AGBL4: variants seen among roughly 807,000 people sequenced by gnomAD.
AGBL4 encodes cytosolic carboxypeptidase 6.
In AGBL4, 58 loss-of-function variants were observed where a neutral mutation model predicts 66.4. That is an observed-to-expected ratio of 0.87 (90% CI 0.71 to 1.09). The LOEUF (loss-of-function observed/expected upper bound fraction) is 1.09. Among genes scored for constraint, AGBL4 ranks in the 50% least tolerant of loss-of-function variants. AGBL4 has a pLI of 0.00. For missense variants in AGBL4, 579 were observed against 631.0 expected, an observed-to-expected ratio of 0.92 and a Z score of 0.88; for synonymous variants, 234 against 222.9, an observed-to-expected ratio of 1.05 and a Z score of -0.44.
At chr1:49,900,215 CTGT>C (rs143521800) in intron 1 of AGBL4, among the ~76,000 whole-genome samples, 26 of 151,946 alleles carry the variant, frequency 1.7e-4, no homozygotes, top group African/African-American at 5.3e-4. Flanking sequence ...AGGGTTTTTT[CTGT>C]TGTTGTTGTT....
chr1:48,924,032 A>G (rs930107961), intron 5 of AGBL4, among the ~76,000 whole-genome samples: 1 of 152,150 alleles, frequency 6.6e-6, no homozygotes, highest in Non-Finnish European at 1.5e-5. Flanking sequence ...CTGTCCCAAG[A>G]GACTACCCAG....
intron 5 of AGBL4, among the ~76,000 whole-genome samples, chr1:48,988,412 C>T (rs1310161312): frequency 1.3e-5 from 2 of 152,088 alleles, no homozygotes; most frequent in Admixed American, 6.6e-5. Flanking sequence ...TTTTCATGTA[C>T]GTATGCAGAC....
chr1:48,892,172 C>T (rs907093795), intron 5 of AGBL4, among the ~76,000 whole-genome samples: 21 of 152,004 alleles, frequency 1.4e-4, no homozygotes, highest in Admixed American at 5.9e-4. Flanking sequence ...TTTGGAGCTC[C>T]TTGGTTTGTG....
chr1:49,865,456 C>A (rs925233859), intron 1 of AGBL4, among the ~76,000 whole-genome samples: 2 of 152,120 alleles, frequency 1.3e-5, no homozygotes, highest in African/African-American at 4.8e-5. Flanking sequence ...ACAAGAGGGA[C>A]CCAGGCAAAT....
chr1:49,598,807 T>A (rs1644899931), intron 3 of AGBL4, among the ~76,000 whole-genome samples: 1 of 152,168 alleles, frequency 6.6e-6, no homozygotes, highest in Non-Finnish European at 1.5e-5. Flanking sequence ...GTTTTTAGCA[T>A]GAAGGGGTGT....
Position 49,172,699 on chromosome 1 carries a change from A to C in AGBL4, c.377+73071T>G, listed in dbSNP as rs548021077. Among the ~76,000 whole-genome samples the C allele has an allele frequency of 2.6e-5, 4 of 152,330 alleles. No homozygotes were observed. The South Asian group carries it at 8.3e-4, about 32-fold the overall frequency. Reference sequence around the variant, plus strand: ...GGTACACAGAAGAAGATAGTAAAAGATGATGTCTAAAAGACCATACAAGTT... The same window carrying C: ...GGTACACAGAAGAAGATAGTAAAAGCTGATGTCTAAAAGACCATACAAGTT... On this transcript the variant is annotated intron_variant, in intron 4 of 13. Transcript: ENST00000371839.
At chr1:49,784,577 T>A (rs926081597) in intron 2 of AGBL4, among the ~76,000 whole-genome samples, 4 of 152,028 alleles carry the variant, frequency 2.6e-5, no homozygotes, top group Admixed American at 6.6e-5. Context: ...CAAGTCTTCA[T>A]GATCTCGGAT....
intron 3 of AGBL4, among the ~76,000 whole-genome samples, chr1:49,556,092 C>A (rs12127132): frequency 6.6e-6 from 1 of 152,084 alleles, no homozygotes; most frequent in Non-Finnish European, 1.5e-5. Context: ...ATGTTTATTG[C>A]GGCACTACTC....
rs147121811 is a variant in AGBL4, at chr1:49,482,887, T to G, written c.282+214426A>C. On this transcript the variant is annotated intron_variant, in intron 3 of 13. Transcript: ENST00000371839. Reference sequence around the variant, plus strand: ...TTTAATTTCATTATTTACCCAAAAGTCATTCAGGAGCAGGTTATTCAATTT... The same window carrying G: ...TTTAATTTCATTATTTACCCAAAAGGCATTCAGGAGCAGGTTATTCAATTT... Among the ~76,000 whole-genome samples the G allele has an allele frequency of 2.3e-3, 347 of 152,228 alleles. 5 individuals are homozygous for G. The highest frequency in any genetic ancestry group is 8.0e-3 in the African/African-American group (334 of 41,564).
chr1:49,886,626 A>G (rs1648064237), intron 1 of AGBL4, among the ~76,000 whole-genome samples: 1 of 152,104 alleles, frequency 6.6e-6, no homozygotes, highest in South Asian at 2.1e-4. Flanking sequence ...GTGGTAAATA[A>G]ATAAGGGAAG....
At chr1:49,262,054 T>G (rs1332456903) in intron 3 of AGBL4, among the ~76,000 whole-genome samples, 1 of 151,870 alleles carries the variant, frequency 6.6e-6, no homozygotes. Flanking sequence ...AAACAAGCAA[T>G]GGGGAAAGGA....
chr1:49,593,766 G>C (rs1644799625), intron 3 of AGBL4, among the ~76,000 whole-genome samples: 1 of 152,056 alleles, frequency 6.6e-6, no homozygotes, highest in South Asian at 2.1e-4. Context: ...AAAAAACTTT[G>C]TTTGTAAATA....
intron 5 of AGBL4, among the ~76,000 whole-genome samples, chr1:48,888,296 T>A (rs1650569562): frequency 6.6e-6 from 1 of 152,170 alleles, no homozygotes; most frequent in South Asian, 2.1e-4. Flanking sequence ...AATGGGGAGC[T>A]ACTTTCTGAC....
At chr1:49,894,264 C>T (rs957183880) in intron 1 of AGBL4, among the ~76,000 whole-genome samples, 3 of 152,038 alleles carry the variant, frequency 2.0e-5, no homozygotes, top group African/African-American at 7.2e-5. Flanking sequence ...ATAGAATAAG[C>T]CTAGATTGCA....
chr1:49,805,143 T>TGA (rs746248146), intron 2 of AGBL4, among the ~76,000 whole-genome samples: 3 of 152,064 alleles, frequency 2.0e-5, no homozygotes, highest in Non-Finnish European at 4.4e-5. Flanking sequence ...AAGTGGCCAA[T>TGA]GATGGAGAAG....
intron 6 of AGBL4, among the ~76,000 whole-genome samples, chr1:48,864,758 G>C (rs1647829710): frequency 6.6e-6 from 1 of 152,102 alleles, no homozygotes; most frequent in African/African-American, 2.4e-5. Flanking sequence ...TCATGACAGT[G>C]CTTACCTGTA....
At chr1:48,962,376 C>T (rs1430220599) in intron 5 of AGBL4, among the ~76,000 whole-genome samples, 1 of 152,186 alleles carries the variant, frequency 6.6e-6, no homozygotes, top group African/African-American at 2.4e-5. Flanking sequence ...CATTTTCCTA[C>T]TCCTTTTCTT....
chr1:48,763,987 GC>G (rs1333634130), intron 6 of AGBL4, among the ~76,000 whole-genome samples: 1 of 152,106 alleles, frequency 6.6e-6, no homozygotes, highest in African/African-American at 2.4e-5. Context: ...CCAGAGCTTT[GC>G]CTTCTATGCC....
intron 2 of AGBL4, among the ~76,000 whole-genome samples, chr1:49,835,338 T>C (rs1645817987): frequency 6.6e-6 from 1 of 152,204 alleles, no homozygotes; most frequent in Non-Finnish European, 1.5e-5. Context: ...CCCTTCTTTG[T>C]CTTTTTTGAT....
Sources: gnomAD v4.1 joint callset for allele counts (sites outside exome capture counted in the v4.1 genomes callset) on GRCh38, gnomAD v4.1.1 for gene constraint, MANE v1.5 for transcripts, NCBI Gene and HGNC (gene_info 2026-07-23, HGNC 2026-07-21) for gene names.